Variants in RAB23 observed in about 807,000 individuals in gnomAD.
The protein encoded by RAB23 is ras-related protein Rab-23.
A neutral mutation model predicts 30.0 loss-of-function variants in RAB23; 15 were observed. That is an observed-to-expected ratio of 0.50 (90% CI 0.33 to 0.77). RAB23 has a LOEUF of 0.77. Ranked by LOEUF, RAB23 falls within the 30% of genes least tolerant of loss-of-function variation. The probability of loss-of-function intolerance (pLI) is 0.02; values close to 1 mark genes in which losing one functional copy is unlikely to be tolerated. For synonymous variants in RAB23, 93 were observed against 94.0 expected, an observed-to-expected ratio of 0.99 and a Z score of 0.06; for missense variants, 243 against 275.4, an observed-to-expected ratio of 0.88 and a Z score of 0.83.
chr6:57,209,571 A>T (rs191386584), intron 2 of RAB23, among the ~76,000 whole-genome samples: 16 of 152,342 alleles, frequency 1.1e-4, no homozygotes, highest in African/African-American at 3.6e-4. Context: ...CAGGTTTGTA[A>T]TATTTTAAAT....
At position 57,222,118 on chromosome 6, in the gene RAB23, G is replaced by C. The variant is rs1405400074; in HGVS notation, c.-458C>G. 1 of 152,304 alleles carries C rather than the reference G, an allele frequency of 6.6e-6. No homozygotes were observed. The highest frequency in any genetic ancestry group is 1.5e-5 in the Non-Finnish European group (1 of 68,114). 9.4% of individuals were successfully genotyped at this position (152,304 alleles called of 1,614,324 possible). ...GCCGCTGTCTCCTCCCGACGCGCCA[G>C]CTCTCCCTGCGGGGCCGAGCGGCTA... On this transcript the variant is annotated 5_prime_UTR_variant, in exon 1 of 7. Transcript: ENST00000468148.
chr6:57,194,708 A>G, intron 5 of RAB23, 62 bp downstream of exon 5: 1 of 1,231,936 alleles, frequency 8.1e-7, no homozygotes, highest in East Asian at 2.4e-5. Flanking sequence ...TAAACAACAC[A>G]ATTTTAAAAG....
intron 3 of RAB23, among the ~76,000 whole-genome samples, chr6:57,201,169 T>C (rs1429004073): frequency 6.6e-6 from 1 of 151,492 alleles, no homozygotes; most frequent in Non-Finnish European, 1.5e-5. Flanking sequence ...CGGCAGCCTC[T>C]GCCTCCCGGA....
intron 2 of RAB23, among the ~76,000 whole-genome samples, chr6:57,210,010 G>T (rs1305172251): frequency 6.8e-6 from 1 of 147,078 alleles, no homozygotes; most frequent in Non-Finnish European, 1.5e-5. Flanking sequence ...AACGTGGAGA[G>T]TAGAAAAAGA....
At chr6:57,217,213 C>CA (rs759917434) in intron 1 of RAB23, among the ~76,000 whole-genome samples, 527 of 58,054 alleles carry the variant, frequency 9.1e-3, no homozygotes, top group Middle Eastern at 0.043. Context: ...ACAAGGAAAG[C>CA]AAAAAAAAAA....
intron 3 of RAB23, among the ~76,000 whole-genome samples, chr6:57,205,435 A>C (rs2128001853): frequency 6.6e-6 from 1 of 152,282 alleles, no homozygotes; most frequent in East Asian, 1.9e-4. Flanking sequence ...GGTGCTACGC[A>C]ATGGGGCTGG....
chr6:57,209,870 G>A (rs1765585926), intron 2 of RAB23, among the ~76,000 whole-genome samples: 2 of 151,978 alleles, frequency 1.3e-5, no homozygotes, highest in African/African-American at 2.4e-5. Flanking sequence ...TAATAAAAAC[G>A]AGCCCATAAT....
chr6:57,208,005 A>T (rs183496658), intron 2 of RAB23, among the ~76,000 whole-genome samples: 2 of 152,318 alleles, frequency 1.3e-5, no homozygotes, highest in Non-Finnish European at 2.9e-5. Flanking sequence ...CGATGGGGCT[A>T]TGTCTCAAAA....
chr6:57,215,520 T>C (rs796079794), intron 1 of RAB23, among the ~76,000 whole-genome samples: 9 of 152,308 alleles, frequency 5.9e-5, no homozygotes, highest in African/African-American at 2.2e-4. Flanking sequence ...AGAAAAGAAC[T>C]GTCAACTCAA....
At chr6:57,191,444 A>G in intron 6 of RAB23, among the ~76,000 whole-genome samples, 1 of 152,130 alleles carries the variant, frequency 6.6e-6, no homozygotes, top group Non-Finnish European at 1.5e-5. Context: ...AGCAAATACG[A>G]TAATTTTTAT....
intron 6 of RAB23, among the ~76,000 whole-genome samples, chr6:57,193,416 T>C (rs1764912961): frequency 6.6e-6 from 1 of 152,216 alleles, no homozygotes; most frequent in Non-Finnish European, 1.5e-5. Context: ...AGGCAGTTAT[T>C]GTGAAAGAGA....
chr6:57,208,388 T>C (rs1390149125), intron 2 of RAB23, among the ~76,000 whole-genome samples: 1 of 152,158 alleles, frequency 6.6e-6, no homozygotes, highest in East Asian at 1.9e-4. Flanking sequence ...GGCTCACGCC[T>C]GTAATCCCAG....
chr6:57,198,596 G>A (rs1231006189), intron 3 of RAB23, among the ~76,000 whole-genome samples: 1 of 152,022 alleles, frequency 6.6e-6, no homozygotes, highest in Non-Finnish European at 1.5e-5. Context: ...TGGGAGGATT[G>A]CTTGAGCCTG....
At chr6:57,210,033 A>G (rs183358030) in intron 2 of RAB23, among the ~76,000 whole-genome samples, 193 bp downstream of exon 2, 41 of 150,690 alleles carry the variant, frequency 2.7e-4, no homozygotes, top group Non-Finnish European at 4.7e-4. Context: ...AAAAAATGAA[A>G]GAAGGGAAGA....
intron 1 of RAB23, among the ~76,000 whole-genome samples, chr6:57,218,295 A>G (rs976212697): frequency 1.3e-5 from 2 of 152,254 alleles, no homozygotes; most frequent in Non-Finnish European, 2.9e-5. Flanking sequence ...ACAAAGATGT[A>G]AAAATCTTCA....
intron 2 of RAB23, among the ~76,000 whole-genome samples, chr6:57,209,024 C>G (rs1765551530): frequency 6.6e-6 from 1 of 152,098 alleles, no homozygotes; most frequent in South Asian, 2.1e-4. Flanking sequence ...CCTTCCTATA[C>G]TTAGGAATGC....
chr6:57,210,534 G>A (rs371389773), intron 1 of RAB23, 89 bp from the exon 2 acceptor site: 13 of 836,202 alleles, frequency 1.6e-5, no homozygotes, highest in East Asian at 5.2e-5. Flanking sequence ...ACATTGCATT[G>A]CAAGGATGTG....
chr6:57,202,127 G>T (rs1015592562), intron 3 of RAB23, among the ~76,000 whole-genome samples: 1 of 152,126 alleles, frequency 6.6e-6, no homozygotes, highest in Admixed American at 6.5e-5. Flanking sequence ...ATTTAAATCA[G>T]CAAGTCATAA....
At chr6:57,207,591 G>A in intron 3 of RAB23, 37 bp downstream of exon 3, 1 of 1,435,334 alleles carries the variant, frequency 7.0e-7, no homozygotes, top group South Asian at 1.2e-5. Flanking sequence ...AAAATAATAT[G>A]CCCAAACAAA....
Sources: gnomAD v4.1 joint callset for allele counts (sites outside exome capture counted in the v4.1 genomes callset) on GRCh38, gnomAD v4.1.1 for gene constraint, MANE v1.5 for transcripts, NCBI Gene and HGNC (gene_info 2026-07-23, HGNC 2026-07-21) for gene names.